Variants in MRTFB observed in about 807,000 individuals in gnomAD.
MRTFB encodes myocardin-related transcription factor B.
In MRTFB, 29 loss-of-function variants were observed where a neutral mutation model predicts 104.2. The ratio of observed to expected loss-of-function variants is 0.28; its 90% CI spans 0.21 to 0.38. MRTFB has a LOEUF of 0.38. Ranked by LOEUF, MRTFB falls within the 10% of genes least tolerant of loss-of-function variation. The pLI, the probability that MRTFB is intolerant of heterozygous loss-of-function variation, is 1.00. For missense variants in MRTFB, 1,270 were observed against 1,341.6 expected (o/e 0.95, Z 0.83); for synonymous variants, 535 against 519.5 (o/e 1.03, Z -0.41).
At position 14,252,378 on chromosome 16, in the gene MRTFB, C is replaced by G. The variant is rs756751719; in HGVS notation, c.2579C>G (p.Pro860Arg). ...PNTPNKPSSP[P>R]PPQQFVVQHS... ...TATTTGACACAGCCTAGTTCACCCC[C>G]GCCACCCCAGCAATTTGTCGTCCAG... The change falls in exon 15 of 17, where the codon CCG (proline) becomes CGG (arginine). Residue 860 changes from proline (P) to arginine (R), a missense_variant. Transcript: ENST00000571589. The G allele has an allele frequency of 6.2e-7, 1 of 1,613,124 alleles. No homozygotes were observed. The highest frequency in any genetic ancestry group is 1.7e-5 in the Admixed American group (1 of 59,948).
the MRTFB span, among the ~76,000 whole-genome samples, chr16:13,999,379 C>T: frequency 6.6e-6 from 1 of 151,478 alleles, no homozygotes; most frequent in African/African-American, 2.4e-5. Flanking sequence ...GGATTTGGCT[C>T]AAGCTAGTCA....
chr16:14,097,742 T>G (rs1422102116), intron 2 of MRTFB, among the ~76,000 whole-genome samples: 1 of 152,236 alleles, frequency 6.6e-6, no homozygotes, highest in Non-Finnish European at 1.5e-5. Flanking sequence ...CATGCTCCTT[T>G]GCCCCTGTTT....
chr16:14,011,266 C>T, the MRTFB span, among the ~76,000 whole-genome samples: 3 of 152,224 alleles, frequency 2.0e-5, no homozygotes, highest in African/African-American at 7.2e-5. Context: ...GCCTTGGACT[C>T]AGGAAGAAAG....
chr16:14,076,802 GTTAACC>G (rs1007872979), intron 1 of MRTFB, among the ~76,000 whole-genome samples: 2 of 152,124 alleles, frequency 1.3e-5, no homozygotes, highest in Non-Finnish European at 2.9e-5. Context: ...CTCTCCAACA[GTTAACC>G]TTTGGATTCG....
the MRTFB span, among the ~76,000 whole-genome samples, chr16:14,042,945 G>T: frequency 6.6e-6 from 1 of 152,138 alleles, no homozygotes; most frequent in Non-Finnish European, 1.5e-5. Context: ...TTGCTAAGTT[G>T]TTTGCTCCGG....
the MRTFB span, among the ~76,000 whole-genome samples, chr16:14,060,634 G>A: frequency 3.3e-5 from 5 of 152,086 alleles, no homozygotes; most frequent in Admixed American, 6.6e-5. Flanking sequence ...GAATCACTGG[G>A]AAGCTCCAGA....
intron 3 of MRTFB, among the ~76,000 whole-genome samples, chr16:14,150,146 T>C (rs1305139013): frequency 6.6e-6 from 1 of 152,206 alleles, no homozygotes; most frequent in Non-Finnish European, 1.5e-5. Flanking sequence ...CATTACTAGC[T>C]ATGTGAATGT....
intron 3 of MRTFB, among the ~76,000 whole-genome samples, chr16:14,164,314 G>A (rs972089212): frequency 2.0e-5 from 3 of 152,076 alleles, no homozygotes; most frequent in African/African-American, 7.2e-5. Flanking sequence ...GAGTGAGAAC[G>A]TGCAGTATTT....
chr16:14,234,765 A>T (rs2042420093), intron 9 of MRTFB, among the ~76,000 whole-genome samples: 1 of 152,150 alleles, frequency 6.6e-6, no homozygotes, highest in Non-Finnish European at 1.5e-5. Flanking sequence ...ATTGCACTCT[A>T]GCTTGGGTGA....
intron 8 of MRTFB, among the ~76,000 whole-genome samples, chr16:14,224,365 C>G: frequency 6.6e-6 from 1 of 152,264 alleles, no homozygotes; most frequent in East Asian, 1.9e-4. Flanking sequence ...TACAGTGTGC[C>G]TTTACAGTGT....
intron 3 of MRTFB, among the ~76,000 whole-genome samples, chr16:14,150,356 T>C (rs1259363411): frequency 6.6e-6 from 1 of 152,200 alleles, no homozygotes. Flanking sequence ...TTGGACAATG[T>C]AGGGGTTGGA....
chr16:14,256,587 GA>G (rs1475153413), intron 15 of MRTFB, among the ~76,000 whole-genome samples: 3 of 152,196 alleles, frequency 2.0e-5, no homozygotes, highest in African/African-American at 7.2e-5. Flanking sequence ...GGCTCACATG[GA>G]GGGGCACTGA....
At chr16:14,024,818 G>C in the MRTFB span, among the ~76,000 whole-genome samples, 10 of 152,164 alleles carry the variant, frequency 6.6e-5, no homozygotes, top group Non-Finnish European at 1.3e-4. Flanking sequence ...GTCAGGGTCT[G>C]TTTTTGCATG....
chr16:14,181,151 A>G (rs917639724), intron 3 of MRTFB, among the ~76,000 whole-genome samples: 13 of 152,184 alleles, frequency 8.5e-5, no homozygotes, highest in African/African-American at 3.1e-4. Context: ...AAGACATGCT[A>G]TCTGATTTAA....
intron 2 of MRTFB, among the ~76,000 whole-genome samples, chr16:14,090,073 T>C (rs778536338): frequency 6.6e-6 from 1 of 152,158 alleles, no homozygotes; most frequent in Non-Finnish European, 1.5e-5. Context: ...ATTGTAAGAT[T>C]TTCTCTCCCA....
upstream of MRTFB, among the ~76,000 whole-genome samples, chr16:14,066,816 A>C (rs945571810): frequency 2.0e-5 from 3 of 151,536 alleles, no homozygotes; most frequent in Non-Finnish European, 2.9e-5. Context: ...GGCACAAACC[A>C]CCATGCTTAG....
chr16:14,127,257 C>G (rs955954031), intron 2 of MRTFB, among the ~76,000 whole-genome samples: 9 of 152,138 alleles, frequency 5.9e-5, no homozygotes, highest in African/African-American at 1.2e-4. Flanking sequence ...TCAGATGACA[C>G]AAAACGGAGT....
intron 2 of MRTFB, among the ~76,000 whole-genome samples, chr16:14,087,669 C>T (rs976515962): frequency 2.6e-5 from 4 of 152,166 alleles, no homozygotes; most frequent in African/African-American, 9.6e-5. Context: ...TCAGTCTGCT[C>T]TAATGTAACA....
chr16:14,177,767 G>A lies in MRTFB; in HGVS notation c.155-32476G>A, dbSNP rs562240335. 1.1e-4 allele frequency among the ~76,000 whole-genome samples: 17 copies of A among 152,268 alleles called. No homozygotes were observed. In the East Asian group the frequency reaches 2.5e-3, roughly 22 times the overall value. On this transcript the variant is annotated intron_variant, in intron 3 of 16. Transcript: ENST00000571589. The surrounding 1 kb of genome is among the most constrained non-coding windows in gnomAD (Gnocchi z 4.7). ...CAGCCCAGGAGGTCGAGGCTGCAGC[G>A]AGTAATAATTGCACCACTGTACTCC... is the stretch of plus-strand genomic sequence containing the variant.
Sources: gnomAD v4.1 joint callset for allele counts (sites outside exome capture counted in the v4.1 genomes callset) on GRCh38, gnomAD v4.1.1 for gene constraint, Gnocchi (gnomAD v3.1) non-coding constraint, MANE v1.5 for transcripts, NCBI Gene and HGNC (gene_info 2026-07-23, HGNC 2026-07-21) for gene names.